Variants in FRMD5 observed in about 807,000 individuals in gnomAD.
The protein encoded by FRMD5 is FERM domain-containing protein 5.
FRMD5 carries 20 observed loss-of-function variants against 69.0 expected under a neutral mutation model. The observed-to-expected ratio is 0.29, with a 90% CI of 0.20 to 0.42. FRMD5 has a LOEUF of 0.42. Among genes scored for constraint, FRMD5 ranks in the 10% least tolerant of loss-of-function variants. The pLI is 1.00. For missense variants in FRMD5, 595 were observed against 708.6 expected, an observed-to-expected ratio of 0.84 and a Z score of 1.82; for synonymous variants, 271 against 260.1, an observed-to-expected ratio of 1.04 and a Z score of -0.40.
At chr15:44,184,678 TAAAGCAAAGG>T (rs2078069009) in intron 1 of FRMD5, among the ~76,000 whole-genome samples, 1 of 152,104 alleles carries the variant, frequency 6.6e-6, no homozygotes, top group African/African-American at 2.4e-5. Flanking sequence ...TAAATTAGCA[TAAAGCAAAGG>T]AGATAATAAG....
At chr15:44,097,180 T>C (rs980989596) in intron 1 of FRMD5, among the ~76,000 whole-genome samples, 3 of 152,202 alleles carry the variant, frequency 2.0e-5, no homozygotes, top group Non-Finnish European at 4.4e-5. Flanking sequence ...ACAAAACCAC[T>C]TTGTTCTCTG....
rs1411470898 is a variant in FRMD5 at position 43,871,972 on chromosome 15, G to A, written c.*1913C>T. 6.6e-6 allele frequency: 1 copy of A among 152,224 alleles called. No homozygotes were observed. The highest frequency in any genetic ancestry group is 2.4e-5 in the African/African-American group (1 of 41,466). 9.4% of individuals were successfully genotyped at this position (152,224 alleles called of 1,614,324 possible). ...TGGTAAGGATCAGTTTTATTGTCTA[G>A]AGCAGGATTGGCGTATTATGGCCTG... On this transcript the variant is annotated 3_prime_UTR_variant, in exon 14 of 14. Coordinates refer to ENST00000417257, the MANE Select transcript of FRMD5 (RefSeq NM_032892.5).
At chr15:44,053,638 G>C (rs1892756237) in intron 1 of FRMD5, among the ~76,000 whole-genome samples, 1 of 152,152 alleles carries the variant, frequency 6.6e-6, no homozygotes, top group Non-Finnish European at 1.5e-5. Context: ...TAGGTTTCTA[G>C]TTTTGCACAA....
At chr15:44,083,463 G>C (rs1241780047) in intron 1 of FRMD5, among the ~76,000 whole-genome samples, 2 of 151,962 alleles carry the variant, frequency 1.3e-5, no homozygotes, top group Non-Finnish European at 2.9e-5. Flanking sequence ...TTCATAGTCT[G>C]GAACAATTGT....
intron 1 of FRMD5, among the ~76,000 whole-genome samples, chr15:44,046,821 A>G (rs1163599064): frequency 6.6e-6 from 1 of 152,244 alleles, no homozygotes; most frequent in Non-Finnish European, 1.5e-5. Context: ...AACTTCCCTT[A>G]ATCTGAAAAT....
chr15:43,957,774 G>A (rs1345653375), intron 1 of FRMD5, among the ~76,000 whole-genome samples: 1 of 152,166 alleles, frequency 6.6e-6, no homozygotes, highest in East Asian at 1.9e-4. Context: ...CTCTTTCATT[G>A]ATTATTAATT....
intron 1 of FRMD5, among the ~76,000 whole-genome samples, chr15:44,190,122 C>T (rs2078169633): frequency 6.6e-6 from 1 of 152,206 alleles, no homozygotes; most frequent in Admixed American, 6.5e-5. Context: ...TGCTGCCAAT[C>T]CTCCATGATA....
intron 1 of FRMD5, among the ~76,000 whole-genome samples, chr15:44,178,248 C>CTGGGAGG (rs1410502856): frequency 1.3e-5 from 2 of 152,126 alleles, no homozygotes; most frequent in East Asian, 3.9e-4. Flanking sequence ...TCGCTTGAAC[C>CTGGGAGG]TGGGAGGTGG....
chr15:44,002,090 T>C (rs995311275), intron 1 of FRMD5, among the ~76,000 whole-genome samples: 30 of 152,276 alleles, frequency 2.0e-4, no homozygotes, highest in African/African-American at 7.0e-4. Context: ...TGACATGTCA[T>C]CATTACTTGA....
At chr15:43,876,904 G>A (rs574400714) in intron 13 of FRMD5, among the ~76,000 whole-genome samples, 1 of 152,292 alleles carries the variant, frequency 6.6e-6, no homozygotes, top group Admixed American at 6.5e-5. Flanking sequence ...CATTTGGTAG[G>A]AGGAAGGGGT....
At chr15:44,190,066 T>C (rs2078168495) in intron 1 of FRMD5, among the ~76,000 whole-genome samples, 1 of 152,198 alleles carries the variant, frequency 6.6e-6, no homozygotes, top group Non-Finnish European at 1.5e-5. Flanking sequence ...AAAGCAGCAC[T>C]GTCCTTCCTG....
intron 1 of FRMD5, among the ~76,000 whole-genome samples, chr15:44,112,915 T>G (rs578060020): frequency 2.0e-5 from 3 of 152,352 alleles, no homozygotes; most frequent in African/African-American, 7.2e-5. Context: ...ATTTTTTCCT[T>G]TCATATTTCT....
At chr15:43,886,344 T>G (rs1388864987) in intron 10 of FRMD5, among the ~76,000 whole-genome samples, 1 of 152,228 alleles carries the variant, frequency 6.6e-6, no homozygotes, top group Non-Finnish European at 1.5e-5. Context: ...AATCCTGCGA[T>G]GAAGAAACTA....
chr15:43,956,784 T>C (rs971215602), intron 1 of FRMD5, among the ~76,000 whole-genome samples: 4 of 152,232 alleles, frequency 2.6e-5, no homozygotes, highest in African/African-American at 9.6e-5. Context: ...AGTTCATGAA[T>C]TTCAGAAGAA....
chr15:44,170,171 T>C (rs1286585852), intron 1 of FRMD5, among the ~76,000 whole-genome samples: 1 of 152,128 alleles, frequency 6.6e-6, no homozygotes, highest in Non-Finnish European at 1.5e-5. Flanking sequence ...CCATCTCAGC[T>C]TCTCGAGTGG....
intron 2 of FRMD5, among the ~76,000 whole-genome samples, chr15:43,922,030 T>C (rs1445300363): frequency 1.3e-5 from 2 of 152,134 alleles, no homozygotes; most frequent in East Asian, 3.9e-4. Flanking sequence ...CTACCATGAA[T>C]CAGTGGACTA....
At chr15:44,184,041 C>T (rs1477232485) in intron 1 of FRMD5, among the ~76,000 whole-genome samples, 1 of 152,028 alleles carries the variant, frequency 6.6e-6, no homozygotes, top group African/African-American at 2.4e-5. Flanking sequence ...CAGATTCTCC[C>T]TCCAGATTCG....
chr15:44,080,004 T>C (rs1893931683), intron 1 of FRMD5, among the ~76,000 whole-genome samples: 1 of 152,062 alleles, frequency 6.6e-6, no homozygotes, highest in Non-Finnish European at 1.5e-5. Context: ...TGGGAAGATT[T>C]AAAAGTGCTG....
At chr15:43,908,094 C>T (rs1450048651) in intron 5 of FRMD5, among the ~76,000 whole-genome samples, 1 of 152,090 alleles carries the variant, frequency 6.6e-6, no homozygotes, top group Non-Finnish European at 1.5e-5. Context: ...CAGGCTTTCT[C>T]TTTAAAAATA....
Sources: allele counts gnomAD v4.1 joint callset (sites outside exome capture counted in the v4.1 genomes callset), GRCh38; gene constraint gnomAD v4.1.1; transcripts MANE v1.5; gene names NCBI Gene and HGNC (gene_info 2026-07-23, HGNC 2026-07-21).